AAK1: variants seen among roughly 807,000 people sequenced by gnomAD.
AAK1 encodes AP2 associated kinase 1.
In AAK1, 37 loss-of-function variants were observed where a neutral mutation model predicts 116.0. That is an observed-to-expected ratio of 0.32 (90% CI 0.25 to 0.42). The LOEUF (loss-of-function observed/expected upper bound fraction) is 0.42. Among genes scored for constraint, AAK1 ranks in the 10% least tolerant of loss-of-function variants. The probability of loss-of-function intolerance (pLI) is 1.00; values close to 1 mark genes in which losing one functional copy is unlikely to be tolerated. For missense variants in AAK1, 919 were observed against 1,170.6 expected, an observed-to-expected ratio of 0.79 and a Z score of 3.14; for synonymous variants, 458 against 439.9, an observed-to-expected ratio of 1.04 and a Z score of -0.51.
At chr2:69,636,056 A>C (rs1675432038) in intron 2 of AAK1, among the ~76,000 whole-genome samples, 1 of 152,198 alleles carries the variant, frequency 6.6e-6, no homozygotes, top group South Asian at 2.1e-4. Flanking sequence ...CATGTCCACT[A>C]TTGAGGGCTG....
chr2:69,588,661 A>G (rs891538446), intron 2 of AAK1, among the ~76,000 whole-genome samples: 1 of 151,732 alleles, frequency 6.6e-6, no homozygotes, highest in Non-Finnish European at 1.5e-5. Context: ...CAGTTCTTAC[A>G]TTTGTTTTAT....
chr2:69,509,500 A>G (rs1449835512), intron 13 of AAK1, 40 bp from the exon 14 acceptor site: 10 of 1,518,862 alleles, frequency 6.6e-6, no homozygotes, highest in Non-Finnish European at 8.9e-6. Context: ...ATTAAATTAA[A>G]AAAAAAAGTT....
chr2:69,515,097 A>C (rs570356851), intron 12 of AAK1, among the ~76,000 whole-genome samples: 7 of 152,192 alleles, frequency 4.6e-5, no homozygotes, highest in African/African-American at 1.7e-4. Context: ...ACGATCTCCT[A>C]ATCATAGAGG....
chr2:69,468,071 C>T lies in AAK1; in HGVS notation c.*7798G>A. 1.0e-6 allele frequency: 1 copy of T among 985,384 alleles called. No individual in the cohort carries two copies. Among genetic ancestry groups the T allele is most frequent in the Non-Finnish European group, 1.2e-6 (1 of 829,922 alleles). The allele number at this position is 985,384 out of a possible 1,614,324, so 61.0% of individuals were successfully genotyped here. Reference sequence around the variant, plus strand: ...TTGGGGCGTTAAGTTAAATTCTGTACTGGTGCCAAATGGCTTTCAGAATAG... The same window carrying T: ...TTGGGGCGTTAAGTTAAATTCTGTATTGGTGCCAAATGGCTTTCAGAATAG... On this transcript the variant is annotated 3_prime_UTR_variant, in exon 22 of 22. Coordinates refer to ENST00000409085, the MANE Select transcript of AAK1 (RefSeq NM_014911.5).
chr2:69,498,121 T>C lies in AAK1; in HGVS notation c.2270-2041A>G, dbSNP rs146982539. Among the ~76,000 whole-genome samples, 68 of 149,062 alleles carry C rather than the reference T, an allele frequency of 4.6e-4. No homozygotes were observed. The East Asian group carries it at 0.013, about 28-fold the overall frequency. On this transcript the variant is annotated intron_variant, in intron 16 of 21. Transcript: ENST00000409085. Reference sequence around the variant, plus strand: ...ACCCCTGAATCCCTCCTTCTCAGCCTGAGTGGTGCTGGGTTGAATTTGGAA... The same window carrying C: ...ACCCCTGAATCCCTCCTTCTCAGCCCGAGTGGTGCTGGGTTGAATTTGGAA...
At chr2:69,616,914 T>C (rs924469815) in intron 2 of AAK1, among the ~76,000 whole-genome samples, 1 of 151,960 alleles carries the variant, frequency 6.6e-6, no homozygotes, top group Non-Finnish European at 1.5e-5. Context: ...AACCCCAAGT[T>C]CCCCCAAGCC....
chr2:69,589,475 G>A (rs142658725), intron 2 of AAK1, among the ~76,000 whole-genome samples: 4,340 of 152,124 alleles, frequency 0.029, 213 homozygotes, highest in African/African-American at 0.099. Context: ...TTGGGAGGCC[G>A]AGGCAGGCAG....
At chr2:69,618,039 T>C (rs556300523) in intron 2 of AAK1, among the ~76,000 whole-genome samples, 1 of 152,126 alleles carries the variant, frequency 6.6e-6, no homozygotes, top group South Asian at 2.1e-4. Context: ...AAAAGAACCA[T>C]GAGGCAACCA....
intron 18 of AAK1, 47 bp from the exon 19 acceptor site, chr2:69,481,008 G>C (rs1266421881): frequency 7.0e-7 from 1 of 1,420,662 alleles, no homozygotes; most frequent in Non-Finnish European, 9.5e-7. Flanking sequence ...GGGAAAGGGA[G>C]TCAGAAGTTT....
chr2:69,494,132 A>T (rs1675648761), intron 17 of AAK1, among the ~76,000 whole-genome samples: 1 of 152,172 alleles, frequency 6.6e-6, no homozygotes. Flanking sequence ...TCTCTATTAA[A>T]ATGTCTCATT....
intron 17 of AAK1, among the ~76,000 whole-genome samples, chr2:69,485,951 G>T (rs1675282396): frequency 6.6e-6 from 1 of 150,936 alleles, no homozygotes; most frequent in African/African-American, 2.4e-5. Flanking sequence ...GAGTCACTGA[G>T]CCTGGCCTTT....
chr2:69,540,607 G>T (rs1670668756), intron 5 of AAK1, among the ~76,000 whole-genome samples: 1 of 152,232 alleles, frequency 6.6e-6, no homozygotes, highest in Non-Finnish European at 1.5e-5. Context: ...TCAATAACAA[G>T]TGTTGGTAAA....
rs183084228 is a variant in AAK1, at chr2:69,619,183, C to G, written c.163+23695G>C. Among the ~76,000 whole-genome samples the G allele has an allele frequency of 7.2e-4, 110 of 152,300 alleles. 1 individual carries two copies. The highest frequency in any genetic ancestry group is 1.6e-3 in the Admixed American group (24 of 15,290). ...ATCCTGGCTTGGGTCCTTTCCTTGT[C>G]CTTGGTTAGCTCCCTCTCTCATTCC... On this transcript the variant is annotated intron_variant, in intron 2 of 21. Coordinates refer to ENST00000409085, the MANE Select transcript of AAK1 (RefSeq NM_014911.5).
rs1674300865 is a variant in AAK1, at chr2:69,459,986, T to C, written c.*15883A>G. ...CATTTAAAGTTTCCAATTCCTCGTT[T>C]AGGTGGAGTTGGAACATTAGAACTC... On this transcript the variant is annotated 3_prime_UTR_variant, in exon 22 of 22. Coordinates refer to ENST00000409085, the MANE Select transcript of AAK1 (RefSeq NM_014911.5). 1 of 152,190 alleles carries C rather than the reference T, an allele frequency of 6.6e-6. No homozygotes were observed. The highest frequency in any genetic ancestry group is 1.5e-5 in the Non-Finnish European group (1 of 68,030). The allele number at this position is 152,190 out of a possible 1,614,324, so 9.4% of individuals were successfully genotyped here. A position where few individuals can be genotyped will look rare whatever the true frequency, so the allele number is the denominator to read the frequency against.
In AAK1 at chr2:69,643,221, A is replaced by G; in HGVS notation, c.-181T>C. 1 of 1,410,018 alleles carries G rather than the reference A, an allele frequency of 7.1e-7. No individual in the cohort carries two copies. Among genetic ancestry groups the G allele is most frequent in the Non-Finnish European group, 9.2e-7 (1 of 1,089,694 alleles). 87.3% of individuals were successfully genotyped at this position (1,410,018 alleles called of 1,614,324 possible). ...GGATGCCTATAGGAATATGCGTGTC[A>G]ATCGCGCAGCGGGTCCCCTCCTCCT... On this transcript the variant is annotated 5_prime_UTR_variant, in exon 2 of 22. Transcript: ENST00000409085.
intron 14 of AAK1, among the ~76,000 whole-genome samples, chr2:69,508,408 CTT>C (rs1255313886): frequency 6.6e-6 from 1 of 152,182 alleles, no homozygotes; most frequent in Non-Finnish European, 1.5e-5. Flanking sequence ...TAAAGTCTCT[CTT>C]AACTTCATTG....
rs185258275 is a variant in AAK1 at position 69,466,626 on chromosome 2, C to T, written c.*9243G>A. The T allele has an allele frequency of 4.4e-4, 479 of 1,079,936 alleles. 3 individuals are homozygous for T. In the African/African-American group the frequency reaches 7.1e-3, roughly 16 times the overall value. 66.9% of individuals were successfully genotyped at this position (1,079,936 alleles called of 1,614,324 possible). ...TTTGGAACATTTAATGGTCAACCCG[C>T]GGCAAAAACATTGTGGGACCAAATA... On this transcript the variant is annotated 3_prime_UTR_variant, in exon 22 of 22. Transcript: ENST00000409085.
At position 69,469,945 on chromosome 2, in the gene AAK1, T is replaced by C. The variant is rs1410984788; in HGVS notation, c.*5924A>G. 1 of 985,276 alleles carries C rather than the reference T, an allele frequency of 1.0e-6. No homozygotes were observed. The highest frequency in any genetic ancestry group is 1.7e-5 in the African/African-American group (1 of 57,222). The allele number at this position is 985,276 out of a possible 1,614,324, so 61.0% of individuals were successfully genotyped here. Reference sequence around the variant, plus strand: ...CAGGGAAGAGAAGGAGTTCCTAAAATACCTGACAACTTGGCAACTATCCTC... The same window carrying C: ...CAGGGAAGAGAAGGAGTTCCTAAAACACCTGACAACTTGGCAACTATCCTC... On this transcript the variant is annotated 3_prime_UTR_variant, in exon 22 of 22. Transcript: ENST00000409085.
At position 69,643,643 on chromosome 2, in the gene AAK1, T is replaced by C. The variant is rs1675860187; in HGVS notation, c.-303A>G. On this transcript the variant is annotated 5_prime_UTR_variant, in exon 1 of 22. Coordinates refer to ENST00000409085, the MANE Select transcript of AAK1 (RefSeq NM_014911.5). ...CATTGTCACGGCCGCCGGGCCGGCC[T>C]GCGACGCAGAGAAGAGGCGGCGCTG... The C allele has an allele frequency of 1.6e-6, 2 of 1,227,034 alleles. No homozygotes were observed. The highest frequency in any genetic ancestry group is 3.2e-5 in the East Asian group (1 of 31,452). 76.0% of individuals were successfully genotyped at this position (1,227,034 alleles called of 1,614,324 possible).
Sources: allele counts gnomAD v4.1 joint callset (sites outside exome capture counted in the v4.1 genomes callset), GRCh38; gene constraint gnomAD v4.1.1; transcripts MANE v1.5; gene names NCBI Gene and HGNC (gene_info 2026-07-23, HGNC 2026-07-21).